SPTLC3: variants seen among roughly 807,000 people sequenced by gnomAD.
The protein encoded by SPTLC3 is serine palmitoyltransferase long chain base subunit 3.
In SPTLC3, 36 loss-of-function variants were observed where a neutral mutation model predicts 59.3. That is an observed-to-expected ratio of 0.61 (90% CI 0.47 to 0.80). The LOEUF is 0.80. Ranked by LOEUF, SPTLC3 falls within the 30% of genes least tolerant of loss-of-function variation. The probability of loss-of-function intolerance (pLI) is 0.00; values close to 1 mark genes in which losing one functional copy is unlikely to be tolerated. For missense variants in SPTLC3, 625 were observed against 685.1 expected (o/e 0.91, Z 0.98); for synonymous variants, 257 against 240.8 (o/e 1.07, Z -0.62).
At chr20:13,053,558 T>A (rs1987591706) in intron 2 of SPTLC3, among the ~76,000 whole-genome samples, 1 of 151,956 alleles carries the variant, frequency 6.6e-6, no homozygotes, top group Non-Finnish European at 1.5e-5. Context: ...TTGACAGAAG[T>A]AGGTTTCAGA....
At chr20:13,153,897 T>C (rs749930716) in intron 9 of SPTLC3, 106 bp from the exon 10 acceptor site, 2 of 1,430,200 alleles carry the variant, frequency 1.4e-6, no homozygotes, top group Non-Finnish European at 1.9e-6. Flanking sequence ...TCCCAGCTAG[T>C]GCTGCTGGCC....
intron 1 of SPTLC3, among the ~76,000 whole-genome samples, chr20:13,017,140 G>A (rs1175066086): frequency 6.6e-6 from 1 of 152,194 alleles, no homozygotes; most frequent in East Asian, 1.9e-4. Flanking sequence ...AAAGGGCAGA[G>A]TCAGTGTGAG....
intron 1 of SPTLC3, among the ~76,000 whole-genome samples, chr20:13,029,053 C>T (rs761332658): frequency 6.6e-6 from 1 of 152,172 alleles, no homozygotes; most frequent in Non-Finnish European, 1.5e-5. Context: ...GAGCCCTTGA[C>T]AGTAACACTA....
intron 5 of SPTLC3, among the ~76,000 whole-genome samples, chr20:13,092,640 C>T (rs1339014235): frequency 6.6e-6 from 1 of 152,034 alleles, no homozygotes; most frequent in African/African-American, 2.4e-5. Context: ...TAGATAACTC[C>T]TAAATGTTCC....
intron 1 of SPTLC3, among the ~76,000 whole-genome samples, chr20:13,015,518 G>T (rs1054773414): frequency 1.3e-5 from 2 of 152,092 alleles, no homozygotes; most frequent in Non-Finnish European, 2.9e-5. Flanking sequence ...AAGTGGAAAG[G>T]CATACAACAC....
chr20:13,096,936 G>C (rs1989436815), intron 6 of SPTLC3, among the ~76,000 whole-genome samples: 1 of 151,904 alleles, frequency 6.6e-6, no homozygotes, highest in African/African-American at 2.4e-5. Context: ...TTACCTTCTG[G>C]ATCTCAATTT....
At position 13,164,888 on chromosome 20, in the gene SPTLC3, A is replaced by G. The variant is rs779482335; in HGVS notation, c.*21A>G. On this transcript the variant is annotated 3_prime_UTR_variant, in exon 12 of 12. Coordinates refer to ENST00000399002, the MANE Select transcript of SPTLC3 (RefSeq NM_018327.4). ...ATTAAGTTTCCTGGTCCTGAATGAC[A>G]CATAAAGACTTTGCGAGAAAGACCT... 6.9e-6 allele frequency: 11 copies of G among 1,593,568 alleles called. No homozygotes were observed. Among genetic ancestry groups the G allele is most frequent in the Non-Finnish European group, 9.4e-6 (11 of 1,166,362 alleles).
At chr20:13,094,348 T>C (rs754899020) in intron 6 of SPTLC3, among the ~76,000 whole-genome samples, 2 of 152,298 alleles carry the variant, frequency 1.3e-5, no homozygotes, top group African/African-American at 2.4e-5. Flanking sequence ...TAATTTGTTA[T>C]TGTCGTTGGA....
chr20:13,076,683 A>T (rs968080747), intron 4 of SPTLC3, among the ~76,000 whole-genome samples: 7 of 152,198 alleles, frequency 4.6e-5, no homozygotes, highest in African/African-American at 1.4e-4. Context: ...TTTGGCCAAA[A>T]ACCTAAGTTC....
At chr20:13,085,119 C>T (rs1988963707) in intron 4 of SPTLC3, among the ~76,000 whole-genome samples, 1 of 152,112 alleles carries the variant, frequency 6.6e-6, no homozygotes. Flanking sequence ...CACCATTTTT[C>T]CAGACTTCAC....
At chr20:13,119,741 T>C (rs1990796177) in intron 8 of SPTLC3, among the ~76,000 whole-genome samples, 1 of 152,208 alleles carries the variant, frequency 6.6e-6, no homozygotes, top group Admixed American at 6.5e-5. Flanking sequence ...AGAGATTCGT[T>C]AGCCTACGCT....
chr20:13,020,529 A>G (rs560443723), intron 1 of SPTLC3, among the ~76,000 whole-genome samples: 2 of 152,092 alleles, frequency 1.3e-5, no homozygotes, highest in African/African-American at 2.4e-5. Context: ...CCCTTTCTCT[A>G]TATTTTGTCA....
intron 7 of SPTLC3, among the ~76,000 whole-genome samples, chr20:13,112,221 T>A (rs1420997680): frequency 6.6e-6 from 1 of 152,230 alleles, no homozygotes; most frequent in Non-Finnish European, 1.5e-5. Context: ...TTCATTCAGC[T>A]GACACTTTGT....
At chr20:13,079,945 T>C (rs1488460066) in intron 4 of SPTLC3, 2 of 311,902 alleles carry the variant, frequency 6.4e-6, no homozygotes, top group African/African-American at 2.3e-5. Flanking sequence ...ATTCTGACAG[T>C]AGTCTATTTT....
Position 13,141,294 on chromosome 20 carries a change from T to C in SPTLC3, c.1280-12709T>C, listed in dbSNP as rs1411378396. 2.0e-5 allele frequency among the ~76,000 whole-genome samples: 3 copies of C among 152,212 alleles called. No individual in the cohort carries two copies. The East Asian group carries it at 5.8e-4, about 29-fold the overall frequency. On this transcript the variant is annotated intron_variant, in intron 9 of 11. Transcript: ENST00000399002. ...CCTCAAACTTATCTTGTGGCTGTTATTGCAGATTTACTCCTCACTCAAATT... is the reference window on the plus strand; with the variant it reads ...CCTCAAACTTATCTTGTGGCTGTTACTGCAGATTTACTCCTCACTCAAATT...
At chr20:13,037,986 A>G (rs938955552) in intron 1 of SPTLC3, among the ~76,000 whole-genome samples, 2 of 151,412 alleles carry the variant, frequency 1.3e-5, no homozygotes, top group African/African-American at 4.9e-5. Context: ...ATCAGCCAGA[A>G]TGAGTCACAT....
At chr20:13,085,906 G>A (rs1047515838) in intron 4 of SPTLC3, among the ~76,000 whole-genome samples, 2 of 152,078 alleles carry the variant, frequency 1.3e-5, no homozygotes, top group Non-Finnish European at 2.9e-5. Flanking sequence ...CATAAGGCAG[G>A]TTTTGAGCAT....
intron 2 of SPTLC3, among the ~76,000 whole-genome samples, chr20:13,052,339 G>A (rs1987530496): frequency 6.6e-6 from 1 of 152,114 alleles, no homozygotes; most frequent in African/African-American, 2.4e-5. Context: ...GTGCATTCTG[G>A]TCCAGATACT....
intron 1 of SPTLC3, among the ~76,000 whole-genome samples, chr20:13,042,386 T>C (rs774714856): frequency 2.0e-5 from 3 of 152,210 alleles, no homozygotes; most frequent in Non-Finnish European, 4.4e-5. Context: ...ATAGTAGCTC[T>C]AGGTGGGGCA....
Sources: gnomAD v4.1 joint callset for allele counts (sites outside exome capture counted in the v4.1 genomes callset) on GRCh38, gnomAD v4.1.1 for gene constraint, MANE v1.5 for transcripts, NCBI Gene and HGNC (gene_info 2026-07-23, HGNC 2026-07-21) for gene names.